The following TENM3 variants were observed in gnomAD, a reference collection of about 807,000 sequenced individuals.
TENM3 encodes the protein teneurin-3.
Under a neutral mutation model 255.1 loss-of-function variants are expected in TENM3, and 63 were observed. The ratio of observed to expected loss-of-function variants is 0.25; its 90% CI spans 0.20 to 0.30. TENM3 has a LOEUF of 0.30. Among genes scored for constraint, TENM3 ranks in the 10% least tolerant of loss-of-function variants. The probability of loss-of-function intolerance (pLI) is 1.00; values close to 1 mark genes in which losing one functional copy is unlikely to be tolerated. For synonymous variants in TENM3, 1,306 were observed against 1,322.3 expected, an observed-to-expected ratio of 0.99 and a Z score of 0.27; for missense variants, 2,929 against 3,461.1, an observed-to-expected ratio of 0.85 and a Z score of 3.86.
At chr4:181,454,241 C>G in the TENM3 span, among the ~76,000 whole-genome samples, 3 of 152,208 alleles carry the variant, frequency 2.0e-5, no homozygotes, top group Admixed American at 6.5e-5. Flanking sequence ...TGAAATACCC[C>G]TCAAGGTGCC....
the TENM3 span, among the ~76,000 whole-genome samples, chr4:181,562,679 T>A: frequency 1.8e-5 from 2 of 110,132 alleles, no homozygotes; most frequent in African/African-American, 7.4e-5. Flanking sequence ...TTCTTCTTAA[T>A]TTTTTTTTTT....
the TENM3 span, among the ~76,000 whole-genome samples, chr4:181,496,025 A>G: frequency 6.6e-6 from 1 of 152,150 alleles, no homozygotes; most frequent in Non-Finnish European, 1.5e-5. Context: ...CCAGCAAAGT[A>G]TCAGACACCT....
the TENM3 span, among the ~76,000 whole-genome samples, chr4:181,717,828 A>C: frequency 8.5e-5 from 13 of 152,312 alleles, no homozygotes; most frequent in African/African-American, 3.1e-4. Flanking sequence ...AAAAAATAAA[A>C]CATTGTGCAG....
chr4:182,773,710 C>A, intron 23 of TENM3, 63 bp downstream of exon 23: 1 of 1,462,614 alleles, frequency 6.8e-7, no homozygotes, highest in Non-Finnish European at 9.3e-7. Context: ...GCGGCAACAC[C>A]CACTTTCCAA....
the TENM3 span, among the ~76,000 whole-genome samples, chr4:181,595,385 C>T: frequency 8.9e-4 from 129 of 144,920 alleles, no homozygotes; most frequent in African/African-American, 3.2e-3. Flanking sequence ...GAGCTGAGGT[C>T]GCGCCACTGC....
At chr4:181,450,754 C>T in the TENM3 span, among the ~76,000 whole-genome samples, 13 of 152,106 alleles carry the variant, frequency 8.5e-5, no homozygotes, top group Admixed American at 5.9e-4. Context: ...CCTACATGCG[C>T]GATTCTAGAA....
intron 18 of TENM3, among the ~76,000 whole-genome samples, chr4:182,739,499 TCA>T (rs1761437847): frequency 1.3e-5 from 2 of 152,184 alleles, no homozygotes; most frequent in South Asian, 2.1e-4. Context: ...GAGAAAAAAG[TCA>T]CAGTCTCAGC....
At chr4:182,752,641 T>C (rs1169817021) in intron 20 of TENM3, among the ~76,000 whole-genome samples, 3 of 152,158 alleles carry the variant, frequency 2.0e-5, no homozygotes, top group African/African-American at 7.2e-5. Context: ...ATTTTTTTCA[T>C]GGTAGCTGCT....
chr4:182,702,501 T>G (rs1757950877), intron 12 of TENM3, among the ~76,000 whole-genome samples: 1 of 152,170 alleles, frequency 6.6e-6, no homozygotes, highest in Admixed American at 6.5e-5. Flanking sequence ...TTTTAAACTC[T>G]CCCTATTAAT....
At chr4:182,039,642 A>G in the TENM3 span, among the ~76,000 whole-genome samples, 7 of 152,042 alleles carry the variant, frequency 4.6e-5, no homozygotes, top group African/African-American at 1.7e-4. Context: ...ATACATACAT[A>G]CATGACACAC....
chr4:181,899,100 A>G, the TENM3 span, among the ~76,000 whole-genome samples: 1 of 152,082 alleles, frequency 6.6e-6, no homozygotes, highest in Non-Finnish European at 1.5e-5. Context: ...GATTTAATCT[A>G]AATACCAATA....
At position 182,266,169 on chromosome 4, in the gene TENM3, C is replaced by T. The variant is rs573054627; in HGVS notation, c.-76+22693C>T. 2.6e-5 allele frequency among the ~76,000 whole-genome samples: 4 copies of T among 152,286 alleles called. No individual in the cohort carries two copies. The East Asian group carries it at 7.7e-4, about 29-fold the overall frequency. On this transcript the variant is annotated intron_variant, in intron 1 of 27. Coordinates refer to ENST00000511685, the MANE Select transcript of TENM3 (RefSeq NM_001080477.4). ...GTACGTAATTAAAATCTCTAATTTACTATGGTTTTCACCAAAAATAGAAGT... is the reference window on the plus strand; with the variant it reads ...GTACGTAATTAAAATCTCTAATTTATTATGGTTTTCACCAAAAATAGAAGT...
chr4:181,691,049 TC>T, the TENM3 span, among the ~76,000 whole-genome samples: 4 of 152,164 alleles, frequency 2.6e-5, no homozygotes, highest in African/African-American at 9.6e-5. Flanking sequence ...ATTTTAGGCT[TC>T]CAAGGAAAAT....
At chr4:181,725,334 T>C in the TENM3 span, among the ~76,000 whole-genome samples, 1 of 152,278 alleles carries the variant, frequency 6.6e-6, no homozygotes, top group Non-Finnish European at 1.5e-5. Flanking sequence ...TGCAACGTGG[T>C]TTATGTCTTT....
intron 1 of TENM3, among the ~76,000 whole-genome samples, chr4:182,277,766 AT>A (rs1381336993): frequency 6.6e-6 from 1 of 152,098 alleles, no homozygotes; most frequent in African/African-American, 2.4e-5. Flanking sequence ...TTTTTTCTTT[AT>A]TTTACCAAGT....
At chr4:182,312,657 G>T (rs764297075) in intron 1 of TENM3, among the ~76,000 whole-genome samples, 2 of 152,254 alleles carry the variant, frequency 1.3e-5, no homozygotes, top group Non-Finnish European at 2.9e-5. Context: ...CCTGGCTCAT[G>T]CCGAAGCGCA....
At chr4:181,907,810 A>G in the TENM3 span, among the ~76,000 whole-genome samples, 2 of 152,164 alleles carry the variant, frequency 1.3e-5, no homozygotes, top group African/African-American at 4.8e-5. Context: ...TGCTTGAATG[A>G]GTAGAAAGGT....
At position 182,754,330 on chromosome 4, in the gene TENM3, C is replaced by A; in HGVS notation, c.4018-55C>A. 6.8e-7 allele frequency: 1 copy of A among 1,472,310 alleles called. No homozygotes were observed. The highest frequency in any genetic ancestry group is 9.1e-7 in the Non-Finnish European group (1 of 1,102,804). 91.2% of individuals were successfully genotyped at this position (1,472,310 alleles called of 1,614,324 possible). A position where few individuals can be genotyped will look rare whatever the true frequency, so the allele number is the denominator to read the frequency against. ...TGAATGGTCTAATTTACTCTTCTGGCGAATTAACTGTAGTGCAGTAACTTA... is the reference window on the plus strand; with the variant it reads ...TGAATGGTCTAATTTACTCTTCTGGAGAATTAACTGTAGTGCAGTAACTTA... On this transcript the variant is annotated intron_variant, in intron 21 of 27. Transcript: ENST00000511685. This position sits in a 1 kb window ranked among gnomAD's most constrained non-coding sequence, Gnocchi z 5.1.
chr4:182,058,515 G>A, the TENM3 span, among the ~76,000 whole-genome samples: 2 of 152,094 alleles, frequency 1.3e-5, no homozygotes, highest in Non-Finnish European at 2.9e-5. Flanking sequence ...ACTCGCCCCA[G>A]AGATAGAAGA....
Sources: allele counts gnomAD v4.1 joint callset (sites outside exome capture counted in the v4.1 genomes callset), GRCh38; gene constraint gnomAD v4.1.1; non-coding constraint Gnocchi (gnomAD v3.1); transcripts MANE v1.5; gene names NCBI Gene and HGNC (gene_info 2026-07-23, HGNC 2026-07-21).